Variants in INO80 observed in about 807,000 individuals in gnomAD.
INO80 encodes chromatin-remodeling ATPase INO80.
In INO80, 20 loss-of-function variants were observed where a neutral mutation model predicts 203.4. That is an observed-to-expected ratio of 0.10 (90% CI 0.07 to 0.14). The LOEUF is 0.14. Among genes scored for constraint, INO80 ranks in the 10% least tolerant of loss-of-function variants. INO80 has a pLI of 1.00. For synonymous variants in INO80, 726 were observed against 685.2 expected, an observed-to-expected ratio of 1.06 and a Z score of -0.93; for missense variants, 1,419 against 1,914.4, an observed-to-expected ratio of 0.74 and a Z score of 4.83.
intron 24 of INO80, 64 bp from the exon 25 acceptor site, chr15:41,027,800 A>G: frequency 7.6e-7 from 1 of 1,307,686 alleles, no homozygotes; most frequent in Non-Finnish European, 1.0e-6. Context: ...AAAATGAAAA[A>G]AAAAGCCACA....
chr15:41,082,473 G>T (rs888152805), intron 7 of INO80, among the ~76,000 whole-genome samples: 2 of 151,902 alleles, frequency 1.3e-5, no homozygotes, highest in South Asian at 4.2e-4. Context: ...GGCCGAGGTG[G>T]TTGGATCACC....
chr15:41,007,169 TTTTTTTTTTTTTC>T (rs2044055370), intron 27 of INO80, among the ~76,000 whole-genome samples: 2 of 114,670 alleles, frequency 1.7e-5, no homozygotes, highest in Non-Finnish European at 3.5e-5. Context: ...ACAGGCACTC[TTTTTTTTTTTTTC>T]TTTTTTTTTT....
At chr15:41,084,215 G>A (rs945437959) in intron 7 of INO80, among the ~76,000 whole-genome samples, 4 of 146,358 alleles carry the variant, frequency 2.7e-5, no homozygotes, top group Non-Finnish European at 4.5e-5. Context: ...AAAAAAAAAC[G>A]CTACATATGG....
rs559059496 is a variant in INO80, at chr15:41,085,471, A to C, written c.771T>G (p.Asp257Glu). 12 of 1,614,080 alleles carry C rather than the reference A, an allele frequency of 7.4e-6. No individual in the cohort carries two copies. Among genetic ancestry groups the C allele is most frequent in the Admixed American group, 3.3e-5 (2 of 60,000 alleles). The change falls in exon 7 of 36, where the codon GAT (aspartate) becomes GAG (glutamate). Residue 257 changes from aspartate (D) to glutamate (E), a missense_variant. Asp to Glu is a conservative substitution (Grantham distance 45, BLOSUM62 2). Coordinates refer to ENST00000648947, the MANE Select transcript of INO80 (RefSeq NM_017553.3). ...TTTTCTTAGTGCCAGGGGGAGGTGC[A>C]TCGTGAGAAAACTTGGCAAAGACTT... ...QTKVFAKFSH[D>E]APPPGTKKKH...
At chr15:41,099,789 A>AC (rs950628849) in intron 1 of INO80, among the ~76,000 whole-genome samples, 5 of 152,054 alleles carry the variant, frequency 3.3e-5, no homozygotes, top group African/African-American at 1.2e-4. Context: ...AAAAAAAAAA[A>AC]AACTTTAAAT....
intron 29 of INO80, among the ~76,000 whole-genome samples, chr15:40,988,637 T>C (rs1366384660): frequency 6.6e-6 from 1 of 152,042 alleles, no homozygotes; most frequent in South Asian, 2.1e-4. Context: ...CCCAGCACTT[T>C]GGGAAGCTGA....
intron 29 of INO80, among the ~76,000 whole-genome samples, chr15:40,994,329 C>T (rs774483461): frequency 1.3e-5 from 2 of 152,104 alleles, no homozygotes; most frequent in Non-Finnish European, 2.9e-5. Context: ...CCACTCCTTA[C>T]CTGATGAATT....
Position 41,065,989 on chromosome 15 carries a change from T to A in INO80, c.1782+3581A>T, listed in dbSNP as rs1321873186. Among the ~76,000 whole-genome samples, 10 of 117,224 alleles carry A rather than the reference T, an allele frequency of 8.5e-5. No individual in the cohort carries two copies. The South Asian group carries it at 2.8e-3, about 33-fold the overall frequency. 76.9% of individuals were successfully genotyped at this position (117,224 alleles called of 152,430 possible). ...TGCACCTAATGCTACTACATTGTAC[T>A]TTTTTTTTTTTTTTTTTTTTGAGAC... On this transcript the variant is annotated intron_variant, in intron 14 of 35. Transcript: ENST00000648947.
rs1267647609 is a variant in INO80 at position 41,010,720 on chromosome 15, T to C, written c.3403-5033A>G. ...AAGGATAATTGGACACTTGAAAAAA[T>C]AAAGGCAAATGTTTATATATCCTAT... is the stretch of plus-strand genomic sequence containing the variant. On this transcript the variant is annotated intron_variant, in intron 27 of 35. Transcript: ENST00000648947. 1.3e-5 allele frequency among the ~76,000 whole-genome samples: 2 copies of C among 152,162 alleles called. 1 individual carries two copies. Among genetic ancestry groups the C allele is most frequent in the Non-Finnish European group, 2.9e-5 (2 of 68,022 alleles).
chr15:41,069,953 T>A (rs934439015), intron 13 of INO80, among the ~76,000 whole-genome samples: 3 of 152,254 alleles, frequency 2.0e-5, no homozygotes, highest in Non-Finnish European at 4.4e-5. Context: ...TTTTCTACTA[T>A]ACTAGTTATC....
chr15:41,051,655 T>TA (rs1057189564), intron 19 of INO80, among the ~76,000 whole-genome samples: 1 of 151,270 alleles, frequency 6.6e-6, no homozygotes, highest in African/African-American at 2.4e-5. Context: ...CTATAAAAAT[T>TA]AAAAAATAAA....
In INO80 at chr15:41,098,016, G is replaced by T. The variant is rs984580764; in HGVS notation, c.-43-1663C>A. On this transcript the variant is annotated intron_variant, in intron 1 of 35. Coordinates refer to ENST00000648947, the MANE Select transcript of INO80 (RefSeq NM_017553.3). ...TAAGTTTTTTTGTTTATTTGTGGCG[G>T]TTTTTTTGTATTTTTAGTAGAGACA... Among the ~76,000 whole-genome samples the T allele has an allele frequency of 5.3e-5, 8 of 152,052 alleles. No homozygotes were observed. The South Asian group carries it at 8.3e-4, about 16-fold the overall frequency.
intron 24 of INO80, among the ~76,000 whole-genome samples, chr15:41,043,151 G>A (rs2044697764): frequency 6.6e-6 from 1 of 152,140 alleles, no homozygotes; most frequent in Non-Finnish European, 1.5e-5. Flanking sequence ...AAACAGAGAA[G>A]AATACAAATG....
chr15:41,103,953 C>T (rs1323319201), intron 1 of INO80, among the ~76,000 whole-genome samples: 1 of 151,948 alleles, frequency 6.6e-6, no homozygotes, highest in African/African-American at 2.4e-5. Context: ...CAGTGGCTCA[C>T]GCCTGTAATC....
chr15:41,089,489 C>G (rs981665282), intron 5 of INO80, among the ~76,000 whole-genome samples: 1 of 152,074 alleles, frequency 6.6e-6, no homozygotes, highest in African/African-American at 2.4e-5. Context: ...GGGTGGCTCA[C>G]CCCTGTAATC....
At chr15:41,012,142 G>C (rs1367578743) in intron 27 of INO80, among the ~76,000 whole-genome samples, 1 of 152,174 alleles carries the variant, frequency 6.6e-6, no homozygotes, top group African/African-American at 2.4e-5. Context: ...TTTGCTACTA[G>C]AATACAGAGA....
At chr15:41,077,701 T>A (rs144257600) in intron 9 of INO80, among the ~76,000 whole-genome samples, 1 of 151,458 alleles carries the variant, frequency 6.6e-6, no homozygotes, top group East Asian at 1.9e-4. Context: ...ACTGGGACTA[T>A]AGGCATGTGC....
Position 41,116,189 on chromosome 15 carries a change from C to T in INO80, c.-260G>A. 1 of 408,782 alleles carries T rather than the reference C, an allele frequency of 2.4e-6. No homozygotes were observed. The highest frequency in any genetic ancestry group is 4.3e-6 in the Non-Finnish European group (1 of 234,934). The allele number at this position is 408,782 out of a possible 1,614,324, so 25.3% of individuals were successfully genotyped here. On this transcript the variant is annotated 5_prime_UTR_variant, in exon 1 of 36. Transcript: ENST00000648947. ...GGCGGCGCTGAGGCGGCTGCGGGCG[C>T]TGGGCCGGCGGCGGCGGCGGCCACT...
rs2044659697 is a variant in INO80 at position 41,041,153 on chromosome 15, A to G, written c.2907+3751T>C. On this transcript the variant is annotated intron_variant, in intron 24 of 35. Transcript: ENST00000648947. ...GGGATCACCGTTTATTGTAGCCTCA[A>G]CCTCCTGGGCTCAGGCGATCCTTCC... is the stretch of plus-strand genomic sequence containing the variant. Among the ~76,000 whole-genome samples the G allele has an allele frequency of 1.3e-5, 2 of 151,982 alleles. 1 individual carries two copies. Among genetic ancestry groups the G allele is most frequent in the South Asian group, 4.1e-4 (2 of 4,826 alleles).
Sources: allele counts gnomAD v4.1 joint callset (sites outside exome capture counted in the v4.1 genomes callset), GRCh38; gene constraint gnomAD v4.1.1; transcripts MANE v1.5; gene names NCBI Gene and HGNC (gene_info 2026-07-23, HGNC 2026-07-21).